Variants in GYS2 observed in about 807,000 individuals in gnomAD.
GYS2 encodes the protein glycogen [starch] synthase, liver.
In GYS2, 80 loss-of-function variants were observed where a neutral mutation model predicts 85.6. The ratio of observed to expected loss-of-function variants is 0.93; its 90% CI spans 0.78 to 1.13. The LOEUF is 1.13. GYS2 is among the 50% of genes most tolerant of loss of function. The probability of loss-of-function intolerance (pLI) is 0.00; values close to 1 mark genes in which losing one functional copy is unlikely to be tolerated. For missense variants in GYS2, 881 were observed against 854.9 expected, an observed-to-expected ratio of 1.03 and a Z score of -0.38; for synonymous variants, 328 against 300.7, an observed-to-expected ratio of 1.09 and a Z score of -0.94.
At chr12:21,560,223 G>A (rs1366445043) in intron 8 of GYS2, among the ~76,000 whole-genome samples, 163 bp downstream of exon 8, 2 of 152,092 alleles carry the variant, frequency 1.3e-5, no homozygotes, top group Non-Finnish European at 1.5e-5. Context: ...TAACCATTAC[G>A]ATAACCTAAA....
intron 15 of GYS2, among the ~76,000 whole-genome samples, 160 bp downstream of exon 15, chr12:21,539,098 A>G: frequency 6.6e-6 from 1 of 152,206 alleles, no homozygotes; most frequent in Non-Finnish European, 1.5e-5. Context: ...GAGCTTTAGG[A>G]CAGTCTGATT....
chr12:21,600,665 G>T (rs1210284365), intron 1 of GYS2, among the ~76,000 whole-genome samples: 1 of 152,142 alleles, frequency 6.6e-6, no homozygotes, highest in Non-Finnish European at 1.5e-5. Flanking sequence ...GCTGATGGAA[G>T]TGTGAAGTCC....
chr12:21,587,581 A>G (rs1261236884), intron 1 of GYS2, among the ~76,000 whole-genome samples: 2 of 152,080 alleles, frequency 1.3e-5, no homozygotes, highest in African/African-American at 4.8e-5. Context: ...CCATGATTGT[A>G]AGTTTCCCGA....
At chr12:21,589,204 G>C (rs771699647) in intron 1 of GYS2, among the ~76,000 whole-genome samples, 5 of 152,174 alleles carry the variant, frequency 3.3e-5, no homozygotes, top group African/African-American at 4.8e-5. Context: ...CACTTTGGTA[G>C]ATGCAAACAT....
rs886049156 is a variant in GYS2, at chr12:21,558,204, A to T, written c.1418T>A (p.Val473Asp). ...IGLFNNRTDR[V>D]KVILHPEFLS... ...CACATGAACAATTTGTTCTACCTTG[A>T]CTCTATCTGTGCGGTTGTTGAAAAG... is the stretch of plus-strand genomic sequence containing the variant. Residue 473 changes from valine (V) to aspartate (D), a missense_variant, in exon 11 of 16, where the codon GTC (valine) becomes GAC (aspartate). Coordinates refer to ENST00000261195, the MANE Select transcript of GYS2 (RefSeq NM_021957.4). 2 of 1,578,290 alleles carry T rather than the reference A, an allele frequency of 1.3e-6. No individual in the cohort carries two copies. Among genetic ancestry groups the T allele is most frequent in the South Asian group, 1.1e-5 (1 of 90,308 alleles).
intron 15 of GYS2, among the ~76,000 whole-genome samples, chr12:21,538,683 A>G (rs1169294057): frequency 6.6e-6 from 1 of 152,174 alleles, no homozygotes; most frequent in Admixed American, 6.5e-5. Context: ...TGATCCCACT[A>G]AAGAGAAATG....
intron 12 of GYS2, among the ~76,000 whole-genome samples, chr12:21,545,600 A>G (rs1944029138): frequency 6.6e-6 from 1 of 152,252 alleles, no homozygotes; most frequent in African/African-American, 2.4e-5. Context: ...CAGTACAAGT[A>G]CAAATTGGTC....
At chr12:21,540,337 G>A in intron 14 of GYS2, 73 bp downstream of exon 14, 3 of 1,190,828 alleles carry the variant, frequency 2.5e-6, no homozygotes, top group Non-Finnish European at 3.8e-6. Flanking sequence ...TAGAGATTAT[G>A]ACTAGAATCA....
intron 13 of GYS2, 40 bp from the exon 14 acceptor site, chr12:21,540,613 C>G (rs1437406952): frequency 6.4e-7 from 1 of 1,564,296 alleles, no homozygotes; most frequent in African/African-American, 1.4e-5. Context: ...AAAAGTAGGA[C>G]TAACCTTAAA....
At chr12:21,562,080 C>A (rs971036118) in intron 7 of GYS2, among the ~76,000 whole-genome samples, 4 of 152,090 alleles carry the variant, frequency 2.6e-5, no homozygotes, top group Non-Finnish European at 5.9e-5. Context: ...GACATGGTAT[C>A]TTTTTTTATA....
chr12:21,572,509 C>T (rs532092427), intron 4 of GYS2, among the ~76,000 whole-genome samples: 1 of 152,238 alleles, frequency 6.6e-6, no homozygotes, highest in East Asian at 1.9e-4. Context: ...GGGGCTTCTG[C>T]TGTGTAAAAT....
chr12:21,599,284 A>G (rs938930790), intron 1 of GYS2, among the ~76,000 whole-genome samples: 5 of 152,184 alleles, frequency 3.3e-5, no homozygotes, highest in African/African-American at 1.2e-4. Flanking sequence ...AGAGGAAGTC[A>G]TTATACACTT....
chr12:21,581,403 C>G (rs1944507660), intron 1 of GYS2, among the ~76,000 whole-genome samples: 1 of 152,156 alleles, frequency 6.6e-6, no homozygotes, highest in Admixed American at 6.6e-5. Flanking sequence ...CTGTTCTGTT[C>G]CATTCTGATG....
intron 11 of GYS2, among the ~76,000 whole-genome samples, chr12:21,556,367 C>T (rs1944179379): frequency 6.6e-6 from 1 of 152,110 alleles, no homozygotes; most frequent in Non-Finnish European, 1.5e-5. Context: ...GACAGGGTTT[C>T]ACCATGTTGC....
At chr12:21,558,903 T>C (rs989885609) in intron 10 of GYS2, among the ~76,000 whole-genome samples, 188 bp downstream of exon 10, 8 of 152,100 alleles carry the variant, frequency 5.3e-5, no homozygotes, top group African/African-American at 1.9e-4. Context: ...CATGAGATGT[T>C]TTAAAGGAGC....
intron 1 of GYS2, among the ~76,000 whole-genome samples, chr12:21,582,295 C>T (rs1271445786): frequency 6.6e-6 from 1 of 152,146 alleles, no homozygotes; most frequent in East Asian, 1.9e-4. Context: ...CTGGGGAAGG[C>T]AGACCCACCC....
intron 7 of GYS2, 107 bp downstream of exon 7, chr12:21,562,811 T>C: frequency 8.4e-7 from 1 of 1,188,656 alleles, no homozygotes; most frequent in East Asian, 2.4e-5. Context: ...AATACGATTA[T>C]CGTTTATTCT....
At chr12:21,579,615 C>T (rs781041860) in intron 2 of GYS2, among the ~76,000 whole-genome samples, 4 of 152,102 alleles carry the variant, frequency 2.6e-5, no homozygotes, top group Non-Finnish European at 4.4e-5. Flanking sequence ...TCCATCTTGG[C>T]CTCCCAAAGT....
At chr12:21,549,892 A>G (rs1457626835) in intron 11 of GYS2, among the ~76,000 whole-genome samples, 1 of 152,156 alleles carries the variant, frequency 6.6e-6, no homozygotes, top group Non-Finnish European at 1.5e-5. Flanking sequence ...TGTTATTAAC[A>G]AGTATTGAGG....
Sources: allele counts gnomAD v4.1 joint callset (sites outside exome capture counted in the v4.1 genomes callset), GRCh38; gene constraint gnomAD v4.1.1; transcripts MANE v1.5; gene names NCBI Gene and HGNC (gene_info 2026-07-23, HGNC 2026-07-21).